The following KIRREL3 variants were observed in gnomAD, a reference collection of about 807,000 sequenced individuals.
KIRREL3 encodes kin of IRRE-like protein 3.
KIRREL3 carries 36 observed loss-of-function variants against 89.7 expected under a neutral mutation model. The ratio of observed to expected loss-of-function variants is 0.40; its 90% CI spans 0.31 to 0.53. KIRREL3 has a LOEUF of 0.53. Among genes scored for constraint, KIRREL3 ranks in the 20% least tolerant of loss-of-function variants. KIRREL3 has a pLI of 0.49. For missense variants in KIRREL3, 864 were observed against 1,056.6 expected (o/e 0.82, Z 2.53); for synonymous variants, 445 against 441.4 (o/e 1.01, Z -0.10).
chr11:126,764,066 A>T lies in KIRREL3; in HGVS notation c.56-201154T>A, dbSNP rs974545980. On this transcript the variant is annotated intron_variant, in intron 1 of 16. Transcript: ENST00000525144. This position sits in a 1 kb window ranked among gnomAD's most constrained non-coding sequence, Gnocchi z 4.2. ...ATACAGATGCCCAGTGATATTTCAG[A>T]AGCTCTAATTAAGTGGAAGATTATG... Among the ~76,000 whole-genome samples the T allele has an allele frequency of 6.6e-6, 1 of 152,144 alleles. No homozygotes were observed. Among genetic ancestry groups the T allele is most frequent in the African/African-American group, 2.4e-5 (1 of 41,424 alleles).
In KIRREL3 at chr11:126,965,124, A is replaced by T. The variant is rs974567102; in HGVS notation, c.55+35331T>A. ...CAGAAAAAGCGGCTCAAGAACAGAG[A>T]GATAAAATGGAGATAAGTGTGAGTT... On this transcript the variant is annotated intron_variant, in intron 1 of 16. Coordinates refer to ENST00000525144, the MANE Select transcript of KIRREL3 (RefSeq NM_032531.4). This position sits in a 1 kb window ranked among gnomAD's most constrained non-coding sequence, Gnocchi z 4.4. 6.6e-5 allele frequency among the ~76,000 whole-genome samples: 10 copies of T among 152,214 alleles called. No homozygotes were observed. Among genetic ancestry groups the T allele is most frequent in the Non-Finnish European group, 1.2e-4 (8 of 68,032 alleles).
At chr11:126,667,666 A>G (rs1236663502) in intron 1 of KIRREL3, among the ~76,000 whole-genome samples, 2 of 152,150 alleles carry the variant, frequency 1.3e-5, no homozygotes, top group African/African-American at 4.8e-5. Flanking sequence ...GCTTAGTTGA[A>G]TGGTCACCCT....
chr11:126,834,864 A>T (rs1268883880), intron 1 of KIRREL3, among the ~76,000 whole-genome samples: 1 of 152,240 alleles, frequency 6.6e-6, no homozygotes, highest in Non-Finnish European at 1.5e-5. Context: ...CAAACAAATC[A>T]TTGCTTTTTT....
At position 126,817,701 on chromosome 11, in the gene KIRREL3, G is replaced by A. The variant is rs375870747; in HGVS notation, c.55+182754C>T. Reference sequence around the variant, plus strand: ...CCCAGAGGGGTCAGGGAGCTCCACCGAGCTTCCCTAACTTGTTCACATCCT... The same window carrying A: ...CCCAGAGGGGTCAGGGAGCTCCACCAAGCTTCCCTAACTTGTTCACATCCT... On this transcript the variant is annotated intron_variant, in intron 1 of 16. Coordinates refer to ENST00000525144, the MANE Select transcript of KIRREL3 (RefSeq NM_032531.4). The surrounding 1 kb of genome is among the most constrained non-coding windows in gnomAD (Gnocchi z 5.7). Among the ~76,000 whole-genome samples the A allele has an allele frequency of 6.6e-6, 1 of 152,178 alleles. No individual in the cohort carries two copies. Among genetic ancestry groups the A allele is most frequent in the Non-Finnish European group, 1.5e-5 (1 of 68,026 alleles).
intron 1 of KIRREL3, among the ~76,000 whole-genome samples, chr11:126,732,239 T>C (rs1948645994): frequency 6.6e-6 from 1 of 152,244 alleles, no homozygotes; most frequent in Non-Finnish European, 1.5e-5. Flanking sequence ...TAGGAAACTA[T>C]TATTAACAAT....
intron 7 of KIRREL3, among the ~76,000 whole-genome samples, chr11:126,452,831 C>T (rs1956223407): frequency 6.6e-6 from 1 of 152,170 alleles, no homozygotes; most frequent in Non-Finnish European, 1.5e-5. Context: ...ACAGAGCCCG[C>T]AGCTCACATC....
intron 1 of KIRREL3, among the ~76,000 whole-genome samples, chr11:126,846,897 T>C (rs1027942618): frequency 1.3e-4 from 20 of 152,180 alleles, no homozygotes; most frequent in Non-Finnish European, 1.5e-5. Context: ...TGTGGACATA[T>C]TGGCTAAAGT....
chr11:126,934,901 A>C (rs1431756978), intron 1 of KIRREL3: 1 of 152,258 alleles, frequency 6.6e-6, no homozygotes, highest in Non-Finnish European at 1.5e-5. Flanking sequence ...TCTACTAAAA[A>C]TACAAAAAAT....
chr11:126,853,868 C>T (rs993533457), intron 1 of KIRREL3, among the ~76,000 whole-genome samples: 3 of 152,082 alleles, frequency 2.0e-5, no homozygotes, highest in Admixed American at 6.5e-5. Flanking sequence ...ATTAAGAATA[C>T]AGTTCTCAGT....
intron 1 of KIRREL3, among the ~76,000 whole-genome samples, chr11:126,907,467 C>A (rs975465531): frequency 6.6e-6 from 1 of 152,112 alleles, no homozygotes; most frequent in Non-Finnish European, 1.5e-5. Context: ...ACACAGTGAG[C>A]TATAAGAAAA....
In KIRREL3 at chr11:126,555,508, T is replaced by C. The variant is rs1591729677; in HGVS notation, c.133+7327A>G. On this transcript the variant is annotated intron_variant, in intron 2 of 16. Transcript: ENST00000525144. The surrounding 1 kb of genome is among the most constrained non-coding windows in gnomAD (Gnocchi z 4.2). ...ACTGGAGCAGAGACTTGAGCTGTGA[T>C]TTGAAGGATGAGCGGGAATTACCAG... Among the ~76,000 whole-genome samples the C allele has an allele frequency of 6.6e-6, 1 of 151,952 alleles. No homozygotes were observed. Among genetic ancestry groups the C allele is most frequent in the African/African-American group, 2.4e-5 (1 of 41,346 alleles).
rs1456178785 is a variant in KIRREL3 at position 126,912,995 on chromosome 11, G to C, written c.55+87460C>G. 6.6e-6 allele frequency among the ~76,000 whole-genome samples: 1 copy of C among 152,220 alleles called. No individual in the cohort carries two copies. Among genetic ancestry groups the C allele is most frequent in the Non-Finnish European group, 1.5e-5 (1 of 68,044 alleles). On this transcript the variant is annotated intron_variant, in intron 1 of 16. Coordinates refer to ENST00000525144, the MANE Select transcript of KIRREL3 (RefSeq NM_032531.4). This position sits in a 1 kb window ranked among gnomAD's most constrained non-coding sequence, Gnocchi z 4.7. ...AAGGAACCACGAGATCCCTTGAAGAGACTCAGCTGAGCACACGTAGTTACC... is the reference window on the plus strand; with the variant it reads ...AAGGAACCACGAGATCCCTTGAAGACACTCAGCTGAGCACACGTAGTTACC...
At chr11:126,671,663 A>G (rs1010443016) in intron 1 of KIRREL3, among the ~76,000 whole-genome samples, 8 of 152,356 alleles carry the variant, frequency 5.3e-5, no homozygotes, top group Admixed American at 4.6e-4. Context: ...ACAGATGGCA[A>G]AGAAACATAT....
In KIRREL3 at chr11:126,423,650, C is replaced by T. The variant is rs888966063; in HGVS notation, c.*930G>A. The T allele has an allele frequency of 6.6e-6, 1 of 152,188 alleles. No individual in the cohort carries two copies. Among genetic ancestry groups the T allele is most frequent in the Non-Finnish European group, 1.5e-5 (1 of 68,048 alleles). The allele number at this position is 152,188 out of a possible 1,614,324, so 9.4% of individuals were successfully genotyped here. A position where few individuals can be genotyped will look rare whatever the true frequency, so the allele number is the denominator to read the frequency against. On this transcript the variant is annotated 3_prime_UTR_variant, in exon 17 of 17. Transcript: ENST00000525144. ...GCAGTCTCGCCATCTTAAAGACCTG[C>T]CCTCCAGCCCCTTCAAACGCCACAC...
chr11:126,574,282 G>A lies in KIRREL3; in HGVS notation c.56-11370C>T, dbSNP rs982941686. ...GGCAGGGCTAGGATTTGACCACAAC[G>A]CTTGGGGTAAAACCAAACTCCCCCA... is the stretch of plus-strand genomic sequence containing the variant. On this transcript the variant is annotated intron_variant, in intron 1 of 16. Transcript: ENST00000525144. This position sits in a 1 kb window ranked among gnomAD's most constrained non-coding sequence, Gnocchi z 5.3. Among the ~76,000 whole-genome samples, 2 of 152,146 alleles carry A rather than the reference G, an allele frequency of 1.3e-5. No individual in the cohort carries two copies. Among genetic ancestry groups the A allele is most frequent in the Non-Finnish European group, 2.9e-5 (2 of 68,032 alleles).
intron 1 of KIRREL3, among the ~76,000 whole-genome samples, chr11:126,792,158 A>G (rs1043159273): frequency 6.6e-6 from 1 of 152,152 alleles, no homozygotes; most frequent in African/African-American, 2.4e-5. Context: ...GCCAGGAATC[A>G]GATCCCTGTT....
rs930011209 is a variant in KIRREL3, at chr11:126,569,520, A to G, written c.56-6608T>C. 6.6e-6 allele frequency among the ~76,000 whole-genome samples: 1 copy of G among 152,190 alleles called. No homozygotes were observed. The highest frequency in any genetic ancestry group is 2.4e-5 in the African/African-American group (1 of 41,432). ...AAGTGCTGGGCACTATGTGCAAGAG[A>G]AAAAAATAGTAGGCAAACTTCCTAG... On this transcript the variant is annotated intron_variant, in intron 1 of 16. Coordinates refer to ENST00000525144, the MANE Select transcript of KIRREL3 (RefSeq NM_032531.4). This position sits in a 1 kb window ranked among gnomAD's most constrained non-coding sequence, Gnocchi z 6.5.
In KIRREL3 at chr11:126,601,682, C is replaced by T. The variant is rs1379909845; in HGVS notation, c.56-38770G>A. ...GTCCTGGCCCCCTCTGCCCACTTGC[C>T]GCCCCTCCTCCATTCTTCTCATGCA... On this transcript the variant is annotated intron_variant, in intron 1 of 16. Coordinates refer to ENST00000525144, the MANE Select transcript of KIRREL3 (RefSeq NM_032531.4). The surrounding 1 kb of genome is among the most constrained non-coding windows in gnomAD (Gnocchi z 5.8). Among the ~76,000 whole-genome samples the T allele has an allele frequency of 2.0e-5, 3 of 152,144 alleles. No individual in the cohort carries two copies. The highest frequency in any genetic ancestry group is 2.9e-5 in the Non-Finnish European group (2 of 68,018).
At position 126,569,631 on chromosome 11, in the gene KIRREL3, TA is replaced by T. The variant is rs370755852; in HGVS notation, c.56-6720del. Among the ~76,000 whole-genome samples, 5 of 152,324 alleles carry T rather than the reference TA, an allele frequency of 3.3e-5. 1 individual carries two copies. The highest frequency in any genetic ancestry group is 1.2e-4 in the African/African-American group (5 of 41,576). On this transcript the variant is annotated intron_variant, in intron 1 of 16. Coordinates refer to ENST00000525144, the MANE Select transcript of KIRREL3 (RefSeq NM_032531.4). The surrounding 1 kb of genome is among the most constrained non-coding windows in gnomAD (Gnocchi z 6.5). ...AAGTCAGAGACAGGTAATAGTTCGGTAAAGAAAGTCTTGAGGCAGCACGCAA... is the reference window on the plus strand; with the variant it reads ...AAGTCAGAGACAGGTAATAGTTCGGTAAGAAAGTCTTGAGGCAGCACGCAA...
Sources: allele counts gnomAD v4.1 joint callset (sites outside exome capture counted in the v4.1 genomes callset), GRCh38; gene constraint gnomAD v4.1.1; non-coding constraint Gnocchi (gnomAD v3.1); transcripts MANE v1.5; gene names NCBI Gene and HGNC (gene_info 2026-07-23, HGNC 2026-07-21).